Variants in FCGRT observed in about 807,000 individuals in gnomAD.
FCGRT encodes the protein Fc gamma receptor and transporter.
FCGRT carries 13 observed loss-of-function variants against 35.7 expected under a neutral mutation model. The ratio of observed to expected loss-of-function variants is 0.36; its 90% CI spans 0.24 to 0.58. The LOEUF (loss-of-function observed/expected upper bound fraction) is 0.58. FCGRT is among the 20% of genes least tolerant of loss of function. The pLI is 0.77. For synonymous variants in FCGRT, 233 were observed against 216.5 expected, an observed-to-expected ratio of 1.08 and a Z score of -0.67; for missense variants, 455 against 474.9, an observed-to-expected ratio of 0.96 and a Z score of 0.39.
In FCGRT at chr19:49,525,575, T is replaced by TG. The variant is rs761385658; in HGVS notation, c.988+8dup. 3.8e-6 allele frequency: 6 copies of TG among 1,597,964 alleles called. No individual in the cohort carries two copies. Among genetic ancestry groups the TG allele is most frequent in the Non-Finnish European group, 5.1e-6 (6 of 1,167,590 alleles). On this transcript the variant is annotated splice_region_variant and intron_variant, in intron 6 of 6. Coordinates refer to ENST00000221466, the MANE Select transcript of FCGRT (RefSeq NM_001136019.3). ...GAAGGATGAGGAGTGGGCTGCCAGG[T>TG]GGGGGGCAGCGGGAGGAAGAGCCTC...
intron 6 of FCGRT, 112 bp downstream of exon 6, chr19:49,525,685 A>G: frequency 2.7e-6 from 2 of 752,776 alleles, no homozygotes; most frequent in Non-Finnish European, 2.3e-6. Context: ...GATCAGAGAG[A>G]GGTGGAGACA....
rs544444357 is a variant in FCGRT at position 49,514,217 on chromosome 19, A to G, written c.332A>G (p.Tyr111Cys). The G allele has an allele frequency of 4.3e-6, 7 of 1,610,596 alleles. No homozygotes were observed. The Admixed American group carries it at 6.7e-5, about 16-fold the overall frequency. Residue 111 changes from tyrosine (Y) to cysteine (C), a missense_variant, in exon 4 of 7, where the codon TAC (tyrosine) becomes TGC (cysteine). By Grantham distance (194) the Tyr-to-Cys change is radical. Around this residue, in one of 3 missense-constraint regions of FCGRT, gnomAD observed 136 missense variants for 158.9 expected, o/e 0.86. Coordinates refer to ENST00000221466, the MANE Select transcript of FCGRT (RefSeq NM_001136019.3). Reference protein sequence around the residue: ...AFKALGGKGPYTLQGLLGCEL... With the variant: ...AFKALGGKGPCTLQGLLGCEL... ...CTGTGTTTGGGCGCCCCAGGTCCCTACACTCTGCAGGGCCTGCTGGGCTGT... is the reference window on the plus strand; with the variant it reads ...CTGTGTTTGGGCGCCCCAGGTCCCTGCACTCTGCAGGGCCTGCTGGGCTGT...
chr19:49,517,949 C>T (rs964542506), intron 4 of FCGRT, among the ~76,000 whole-genome samples: 1 of 152,070 alleles, frequency 6.6e-6, no homozygotes, highest in Non-Finnish European at 1.5e-5. Flanking sequence ...CCTTGGCCTC[C>T]CAAAGTGCTG....
intron 4 of FCGRT, 65 bp from the exon 5 acceptor site, chr19:49,524,442 T>C (rs2080060275): frequency 6.5e-7 from 1 of 1,541,376 alleles, no homozygotes; most frequent in Admixed American, 1.8e-5. Flanking sequence ...TTTCTGTCCC[T>C]ATCCAGCCCT....
At chr19:49,517,961 G>A (rs1293951338) in intron 4 of FCGRT, among the ~76,000 whole-genome samples, 4 of 152,110 alleles carry the variant, frequency 2.6e-5, no homozygotes, top group Non-Finnish European at 5.9e-5. Context: ...AAAGTGCTGG[G>A]ATTACAGGCA....
chr19:49,517,326 A>C (rs750989522), intron 4 of FCGRT, among the ~76,000 whole-genome samples: 2 of 152,140 alleles, frequency 1.3e-5, no homozygotes, highest in Non-Finnish European at 2.9e-5. Context: ...CCCCATCTCT[A>C]CTAAACATAC....
chr19:49,523,028 C>T (rs1419943202), intron 4 of FCGRT, among the ~76,000 whole-genome samples: 4 of 151,776 alleles, frequency 2.6e-5, no homozygotes, highest in Admixed American at 6.6e-5. Context: ...CCGCCTGCCT[C>T]GGCCTCCCAA....
At position 49,524,777 on chromosome 19, in the gene FCGRT, G is replaced by A. The variant is rs756585361; in HGVS notation, c.871+1G>A. On this transcript the variant is annotated splice_donor_variant, in intron 5 of 6. Transcript: ENST00000221466. LOFTEE classifies it high-confidence loss of function. ...GCGCAGCCCCTCAGGGTGGAGCTGG[G>A]TGAGGTCCCGCCAGGTGGTGATGCT... 1.9e-6 allele frequency: 3 copies of A among 1,599,064 alleles called. No homozygotes were observed. The highest frequency in any genetic ancestry group is 1.7e-5 in the Admixed American group (1 of 59,824).
At position 49,514,054 on chromosome 19, in the gene FCGRT, G is replaced by A; in HGVS notation, c.246G>A (p.Trp82Ter). 1 of 1,611,624 alleles carries A rather than the reference G, an allele frequency of 6.2e-7. No individual in the cohort carries two copies. Among genetic ancestry groups the A allele is most frequent in the Non-Finnish European group, 8.5e-7 (1 of 1,180,000 alleles). ...GAWVWENQVSWYWEKETTDLR... is the reference protein window; with the variant it reads ...GAWVWENQVS ...GGGTCTGGGAAAACCAGGTGTCCTG[G>A]TATTGGGAGAAAGAGACCACAGATC... The change falls in exon 3 of 7, where the codon TGG becomes TGA. Residue 82 changes from tryptophan (W) to a stop codon, truncating the protein, a stop_gained. Coordinates refer to ENST00000221466, the MANE Select transcript of FCGRT (RefSeq NM_001136019.3). LOFTEE classifies it high-confidence loss of function.
rs147973476 is a variant in FCGRT, at chr19:49,524,614, C to T, written c.709C>T (p.Arg237Trp). The change falls in exon 5 of 7, where the codon CGG (arginine) becomes TGG (tryptophan). Residue 237 changes from arginine (R) to tryptophan (W), a missense_variant. This residue lies in a region of FCGRT where 312 missense variants were observed against 296.1 expected (regional missense o/e 1.05). Coordinates refer to ENST00000221466, the MANE Select transcript of FCGRT (RefSeq NM_001136019.3). ...TCCGGAGCTGCAACTTCGGTTCCTG[C>T]GGAATGGGCTGGCCGCTGGCACCGG... is the stretch of plus-strand genomic sequence containing the variant. ...YPPELQLRFL[R>W]NGLAAGTGQG... 104 of 1,611,022 alleles carry T rather than the reference C, an allele frequency of 6.5e-5. No individual in the cohort carries two copies. In the African/African-American group the frequency reaches 1.1e-3, roughly 18 times the overall value.
intron 4 of FCGRT, chr19:49,521,596 C>G (rs1227165495): frequency 2.0e-5 from 3 of 150,610 alleles, no homozygotes; most frequent in African/African-American, 7.3e-5. Context: ...GAAAAGAAAG[C>G]CTGGGCGTAA....
In FCGRT at chr19:49,524,648, A is replaced by C; in HGVS notation, c.743A>C (p.Asp248Ala). 2.5e-6 allele frequency: 4 copies of C among 1,607,838 alleles called. No homozygotes were observed. Among genetic ancestry groups the C allele is most frequent in the Non-Finnish European group, 3.4e-6 (4 of 1,179,986 alleles). ...CTGGCCGCTGGCACCGGCCAGGGTG[A>C]CTTCGGCCCCAACAGTGACGGATCC... ...NGLAAGTGQG[D>A]FGPNSDGSFH... The change falls in exon 5 of 7, where the codon GAC becomes GCC. Residue 248 changes from aspartate to alanine, a missense_variant. Transcript: ENST00000221466.
chr19:49,514,594 C>A, intron 4 of FCGRT, 108 bp downstream of exon 4: 3 of 1,086,096 alleles, frequency 2.8e-6, no homozygotes, highest in Non-Finnish European at 3.8e-6. Flanking sequence ...GCAGCCCACG[C>A]TCTGCCCCCC....
chr19:49,513,744 C>A lies in FCGRT; in HGVS notation c.74-138C>A, dbSNP rs540123114. ...TCTCTCTCTGGGTCTCTGTCCCCCCCCCCCCGGGTTTCTGTCCCCTCTCTC... is the reference window on the plus strand; with the variant it reads ...TCTCTCTCTGGGTCTCTGTCCCCCCACCCCCGGGTTTCTGTCCCCTCTCTC... On this transcript the variant is annotated intron_variant, in intron 2 of 6. Coordinates refer to ENST00000221466, the MANE Select transcript of FCGRT (RefSeq NM_001136019.3). 6.4e-4 allele frequency: 155 copies of A among 243,820 alleles called. 4 individuals are homozygous for A. The highest frequency in any genetic ancestry group is 4.3e-3 in the African/African-American group (134 of 31,496). The allele number at this position is 243,820 out of a possible 1,614,324, so 15.1% of individuals were successfully genotyped here.
rs2080066495 is a variant in FCGRT, at chr19:49,525,132, A to C, written c.872-325A>C. ...GCTATGCCCGTCCTCACCAAGACTG[A>C]CTGCCTGCTGCTTTGCTACTGCCCG... On this transcript the variant is annotated intron_variant, in intron 5 of 6. Coordinates refer to ENST00000221466, the MANE Select transcript of FCGRT (RefSeq NM_001136019.3). The C allele has an allele frequency of 9.7e-6, 5 of 518,050 alleles. 1 individual carries two copies. The highest frequency in any genetic ancestry group is 9.0e-5 in the South Asian group (5 of 55,414). The allele number at this position is 518,050 out of a possible 1,614,324, so 32.1% of individuals were successfully genotyped here.
intron 4 of FCGRT, among the ~76,000 whole-genome samples, chr19:49,523,427 A>G (rs1165753909): frequency 3.3e-5 from 5 of 151,956 alleles, no homozygotes; most frequent in African/African-American, 9.7e-5. Flanking sequence ...ATTACCCGGC[A>G]TGGTGGTGCA....
At position 49,514,468 on chromosome 19, in the gene FCGRT, G is replaced by C. The variant is rs753321487; in HGVS notation, c.583G>C (p.Gly195Arg). The C allele has an allele frequency of 1.3e-6, 2 of 1,552,674 alleles. No individual in the cohort carries two copies. The highest frequency in any genetic ancestry group is 2.7e-5 in the African/African-American group (2 of 73,626). ...GCGGGAGCACCTGGAGAGGGGCCGCGGAAACCTGGAGTGGAAGGGTGAGCC... is the reference window on the plus strand; with the variant it reads ...GCGGGAGCACCTGGAGAGGGGCCGCCGAAACCTGGAGTGGAAGGGTGAGCC... ...RLREHLERGR[G>R]NLEWKEPPSM... The change falls in exon 4 of 7, where the codon GGA becomes CGA. Residue 195 changes from glycine (G) to arginine (R), a missense_variant. This residue lies in a region of FCGRT where 312 missense variants were observed against 296.1 expected (regional missense o/e 1.05). Coordinates refer to ENST00000221466, the MANE Select transcript of FCGRT (RefSeq NM_001136019.3).
chr19:49,513,674 T>C (rs1180094008), intron 2 of FCGRT: 3 of 492,282 alleles, frequency 6.1e-6, no homozygotes, highest in Non-Finnish European at 1.0e-5. Context: ...TTTCCCTCTC[T>C]CTCTCTGGGT....
chr19:49,523,854 C>G (rs1267887091), intron 4 of FCGRT, among the ~76,000 whole-genome samples: 1 of 134,126 alleles, frequency 7.5e-6, no homozygotes, highest in East Asian at 2.2e-4. Context: ...AGCAAGATTC[C>G]ATCTCAAAAA....
Sources: gnomAD v4.1 joint callset for allele counts (sites outside exome capture counted in the v4.1 genomes callset) on GRCh38, gnomAD v4.1.1 for gene constraint, gnomAD v4.1.1 regional missense constraint, MANE v1.5 for transcripts, NCBI Gene and HGNC (gene_info 2026-07-23, HGNC 2026-07-21) for gene names.